The following NEMP2 variants were observed in gnomAD, a reference collection of about 807,000 sequenced individuals.
NEMP2 encodes nuclear envelope integral membrane protein 2.
Under a neutral mutation model 54.2 loss-of-function variants are expected in NEMP2, and 53 were observed. That is an observed-to-expected ratio of 0.98 (90% CI 0.78 to 1.23). The LOEUF (loss-of-function observed/expected upper bound fraction) is 1.23, where lower values mean the gene tolerates loss of function less well. Ranked by LOEUF, NEMP2 falls within the 50% of genes most tolerant of loss-of-function variation. The pLI is 0.00. For missense variants in NEMP2, 455 were observed against 511.3 expected (o/e 0.89, Z 1.06); for synonymous variants, 197 against 190.3 (o/e 1.04, Z -0.29).
the NEMP2 span, among the ~76,000 whole-genome samples, chr2:190,554,965 G>A: frequency 9.9e-5 from 15 of 152,226 alleles, no homozygotes; most frequent in Admixed American, 6.5e-5. This position sits in a 1 kb window ranked among gnomAD's most constrained non-coding sequence, Gnocchi z 5.7. Context: ...GGAAGGAACA[G>A]GCAGCAATCT....
chr2:190,458,613 A>G, the NEMP2 span, among the ~76,000 whole-genome samples: 1 of 152,146 alleles, frequency 6.6e-6, no homozygotes, highest in Admixed American at 6.5e-5. The surrounding 1 kb of genome is among the most constrained non-coding windows in gnomAD (Gnocchi z 5.3). Context: ...CGAGTGCTTG[A>G]CAGATGGTTA....
At chr2:190,606,194 T>C in the NEMP2 span, among the ~76,000 whole-genome samples, 1 of 152,182 alleles carries the variant, frequency 6.6e-6, no homozygotes, top group East Asian at 1.9e-4. Context: ...TCCTTTTTCC[T>C]ACTAGTTACA....
chr2:190,522,357 C>T lies in NEMP2; in HGVS notation c.213+2906G>A, dbSNP rs572366889. Among the ~76,000 whole-genome samples, 31 of 151,786 alleles carry T rather than the reference C, an allele frequency of 2.0e-4. No individual in the cohort carries two copies. The highest frequency in any genetic ancestry group is 1.9e-3 in the Admixed American group (29 of 15,260). ...TCCATGTGACAAACCTGCACATGTA[C>T]CCCCAAATCTAAAAAATTAAAAATT... On this transcript the variant is annotated intron_variant, in intron 2 of 8. Coordinates refer to ENST00000409150, the MANE Select transcript of NEMP2 (RefSeq NM_001142645.2). The surrounding 1 kb of genome is among the most constrained non-coding windows in gnomAD (Gnocchi z 5.0).
At chr2:190,436,201 G>A in the NEMP2 span, 1 of 1,614,176 alleles carries the variant, frequency 6.2e-7, no homozygotes, top group Non-Finnish European at 8.5e-7. The surrounding 1 kb of genome is among the most constrained non-coding windows in gnomAD (Gnocchi z 5.3). Flanking sequence ...AGACTGGATA[G>A]AGAAACATTG....
At chr2:190,534,800 C>T (rs929670616), upstream of NEMP2, 9 of 561,782 alleles carry the variant, frequency 1.6e-5, no homozygotes, top group African/African-American at 1.4e-4. Flanking sequence ...CTCCCCGGGG[C>T]GGAGGGAGAG....
the NEMP2 span, among the ~76,000 whole-genome samples, chr2:190,490,285 C>CGGG: frequency 6.6e-6 from 1 of 151,276 alleles, no homozygotes; most frequent in African/African-American, 2.4e-5. This position sits in a 1 kb window ranked among gnomAD's most constrained non-coding sequence, Gnocchi z 4.5. Flanking sequence ...AAACAATGGC[C>CGGG]GGGTGCAGTG....
At chr2:190,549,367 T>C in the NEMP2 span, among the ~76,000 whole-genome samples, 1 of 152,226 alleles carries the variant, frequency 6.6e-6, no homozygotes, top group African/African-American at 2.4e-5. Context: ...CCGTGATTTC[T>C]TTTTCATATA....
the NEMP2 span, chr2:190,490,010 T>G: frequency 1.6e-6 from 1 of 620,594 alleles, no homozygotes; most frequent in Non-Finnish European, 2.7e-6. This position sits in a 1 kb window ranked among gnomAD's most constrained non-coding sequence, Gnocchi z 4.5. Context: ...GATGAATTCA[T>G]GTGGACTATT....
the NEMP2 span, among the ~76,000 whole-genome samples, chr2:190,582,867 C>T: frequency 6.6e-6 from 1 of 152,074 alleles, no homozygotes; most frequent in Non-Finnish European, 1.5e-5. The surrounding 1 kb of genome is among the most constrained non-coding windows in gnomAD (Gnocchi z 4.6). Context: ...TCACTTTTTC[C>T]TCAATTGGCC....
At chr2:190,619,378 T>C in the NEMP2 span, among the ~76,000 whole-genome samples, 3 of 151,748 alleles carry the variant, frequency 2.0e-5, no homozygotes, top group Admixed American at 2.0e-4. The surrounding 1 kb of genome is among the most constrained non-coding windows in gnomAD (Gnocchi z 5.5). Flanking sequence ...TGTGAGCCTA[T>C]AGTCCCAGCT....
chr2:190,470,157 G>T, the NEMP2 span, among the ~76,000 whole-genome samples: 1 of 152,258 alleles, frequency 6.6e-6, no homozygotes, highest in Non-Finnish European at 1.5e-5. Flanking sequence ...TCCAAGGGTG[G>T]TTTTAAGATA....
chr2:190,522,928 TTAA>T lies in NEMP2; in HGVS notation c.213+2332_213+2334del, dbSNP rs1690800893. ...TAATGTATACCTTAAATGTATTTGA[TTAA>T]TGTCTCATGTCTCCCTAAAATATGT... On this transcript the variant is annotated intron_variant, in intron 2 of 8. Coordinates refer to ENST00000409150, the MANE Select transcript of NEMP2 (RefSeq NM_001142645.2). The surrounding 1 kb of genome is among the most constrained non-coding windows in gnomAD (Gnocchi z 5.0). 6.6e-6 allele frequency among the ~76,000 whole-genome samples: 1 copy of T among 152,180 alleles called. No homozygotes were observed. The highest frequency in any genetic ancestry group is 2.1e-4 in the South Asian group (1 of 4,830).
chr2:190,429,975 T>C, the NEMP2 span, among the ~76,000 whole-genome samples: 1 of 152,066 alleles, frequency 6.6e-6, no homozygotes, highest in Non-Finnish European at 1.5e-5. Context: ...TAGGTATATC[T>C]CCTAATGCTA....
chr2:190,629,419 T>C, the NEMP2 span, among the ~76,000 whole-genome samples: 14 of 152,034 alleles, frequency 9.2e-5, no homozygotes, highest in African/African-American at 3.4e-4. Context: ...TTGTAAGGAG[T>C]CCCTTATCAG....
At chr2:190,592,654 C>T in the NEMP2 span, among the ~76,000 whole-genome samples, 1 of 152,078 alleles carries the variant, frequency 6.6e-6, no homozygotes, top group Admixed American at 6.6e-5. The surrounding 1 kb of genome is among the most constrained non-coding windows in gnomAD (Gnocchi z 4.4). Context: ...TGGCTTCATT[C>T]ATTTTATGTT....
chr2:190,535,361 A>G (rs555517275), upstream of NEMP2, among the ~76,000 whole-genome samples: 1 of 152,308 alleles, frequency 6.6e-6, no homozygotes, highest in East Asian at 1.9e-4. Context: ...CAACATGACA[A>G]GGTTCTCTTA....
the NEMP2 span, among the ~76,000 whole-genome samples, chr2:190,597,886 T>C: frequency 5.9e-5 from 9 of 152,154 alleles, no homozygotes; most frequent in Non-Finnish European, 1.2e-4. This position sits in a 1 kb window ranked among gnomAD's most constrained non-coding sequence, Gnocchi z 4.7. Flanking sequence ...TTTACATGGG[T>C]TTCAAAGGGC....
chr2:190,593,141 G>T, the NEMP2 span, among the ~76,000 whole-genome samples: 2 of 152,130 alleles, frequency 1.3e-5, no homozygotes, highest in Admixed American at 1.3e-4. The surrounding 1 kb of genome is among the most constrained non-coding windows in gnomAD (Gnocchi z 4.5). Context: ...ACATTGAAAA[G>T]AAGACTTTTT....
Position 190,513,738 on chromosome 2 carries a change from G to A in NEMP2, c.953+715C>T, listed in dbSNP as rs558426567. ...TTTTATTCATTCTTTAAGATTCAGCGTAGTAATATCTCTCCAGGAAAGCTC... is the reference window on the plus strand; with the variant it reads ...TTTTATTCATTCTTTAAGATTCAGCATAGTAATATCTCTCCAGGAAAGCTC... On this transcript the variant is annotated intron_variant, in intron 7 of 8. Transcript: ENST00000409150. The surrounding 1 kb of genome is among the most constrained non-coding windows in gnomAD (Gnocchi z 5.3). 2.4e-4 allele frequency among the ~76,000 whole-genome samples: 36 copies of A among 152,294 alleles called. No individual in the cohort carries two copies. The highest frequency in any genetic ancestry group is 2.0e-3 in the Admixed American group (30 of 15,294).
Sources: allele counts gnomAD v4.1 joint callset (sites outside exome capture counted in the v4.1 genomes callset), GRCh38; gene constraint gnomAD v4.1.1; non-coding constraint Gnocchi (gnomAD v3.1); transcripts MANE v1.5; gene names NCBI Gene and HGNC (gene_info 2026-07-23, HGNC 2026-07-21).